The following EYA3 variants were observed in gnomAD, a reference collection of about 807,000 sequenced individuals.
EYA3 encodes the protein protein phosphatase EYA3.
In EYA3, 39 loss-of-function variants were observed where a neutral mutation model predicts 80.0. The observed-to-expected ratio is 0.49, with a 90% CI of 0.38 to 0.64. EYA3 has a LOEUF of 0.64. EYA3 is among the 30% of genes least tolerant of loss of function. The probability of loss-of-function intolerance (pLI) is 0.00; values close to 1 mark genes in which losing one functional copy is unlikely to be tolerated. For missense variants in EYA3, 523 were observed against 676.1 expected (o/e 0.77, Z 2.51); for synonymous variants, 206 against 232.8 (o/e 0.88, Z 1.05).
chr1:28,043,862 AAC>A (rs1643906226), intron 3 of EYA3, among the ~76,000 whole-genome samples: 2 of 152,136 alleles, frequency 1.3e-5, no homozygotes, highest in South Asian at 4.1e-4. Flanking sequence ...CAAACAAACA[AAC>A]AAACAAAAAT....
rs1638751144 is a variant in EYA3, at chr1:27,971,962, T to C, written c.*2504A>G. ...GCTCTGCTCAGCCTCCTTACCTCTC[T>C]TGGCCAAGTTCAAGTTCCTTTTGGA... On this transcript the variant is annotated 3_prime_UTR_variant, in exon 18 of 18. Coordinates refer to ENST00000373871, the MANE Select transcript of EYA3 (RefSeq NM_001990.4). 1 of 152,222 alleles carries C rather than the reference T, an allele frequency of 6.6e-6. No individual in the cohort carries two copies. The allele number at this position is 152,222 out of a possible 1,614,324, so 9.4% of individuals were successfully genotyped here.
intron 13 of EYA3, 85 bp from the exon 14 acceptor site, chr1:27,993,645 C>T (rs1339251906): frequency 8.2e-7 from 1 of 1,221,790 alleles, no homozygotes; most frequent in Admixed American, 3.1e-5. Context: ...TTCTTGGTAT[C>T]TGATAAATAA....
intron 1 of EYA3, among the ~76,000 whole-genome samples, chr1:28,083,869 C>G (rs1645519192): frequency 6.6e-6 from 1 of 151,942 alleles, no homozygotes; most frequent in South Asian, 2.1e-4. Context: ...ACATAAATAG[C>G]CTAAATATGT....
intron 16 of EYA3, among the ~76,000 whole-genome samples, chr1:27,984,396 T>C (rs980020422): frequency 2.6e-5 from 4 of 152,060 alleles, no homozygotes; most frequent in Admixed American, 2.0e-4. Context: ...TTTTTTTTGC[T>C]TTTTATACTA....
chr1:27,993,381 G>A lies in EYA3; in HGVS notation c.1303+19C>T, dbSNP rs1473802130. 8.1e-6 allele frequency: 13 copies of A among 1,610,252 alleles called. No homozygotes were observed. Among genetic ancestry groups the A allele is most frequent in the Non-Finnish European group, 1.1e-5 (13 of 1,178,574 alleles). ...CCAGGAAGAAACAGAGAATCAGACT[G>A]GTTATATGCCACACTTACCACCCAC... On this transcript the variant is annotated intron_variant, in intron 14 of 17. Transcript: ENST00000373871.
chr1:27,997,196 C>T, intron 13 of EYA3, 124 bp downstream of exon 13: 6 of 847,430 alleles, frequency 7.1e-6, no homozygotes, highest in Admixed American at 2.0e-5. Flanking sequence ...TTTCTATGTC[C>T]TCTAACAGGT....
At chr1:28,038,329 G>C (rs779268562) in intron 5 of EYA3, among the ~76,000 whole-genome samples, 2 of 151,644 alleles carry the variant, frequency 1.3e-5, no homozygotes, top group African/African-American at 4.9e-5. Context: ...CCAGCTATCC[G>C]GGAGGCTGAG....
intron 10 of EYA3, 69 bp from the exon 11 acceptor site, chr1:28,004,488 A>G (rs186722029): frequency 2.6e-6 from 3 of 1,135,226 alleles, no homozygotes; most frequent in South Asian, 2.7e-5. Flanking sequence ...GAAATCAATA[A>G]CAGAAAGAGA....
At chr1:27,990,129 G>A (rs997388571) in intron 14 of EYA3, 1 of 158,930 alleles carries the variant, frequency 6.3e-6, no homozygotes, top group African/African-American at 2.4e-5. Context: ...TTTATCTTCT[G>A]AGAAATTGCT....
At chr1:28,039,511 T>C (rs181634153) in intron 4 of EYA3, among the ~76,000 whole-genome samples, 1 of 152,356 alleles carries the variant, frequency 6.6e-6, no homozygotes, top group African/African-American at 2.4e-5. Flanking sequence ...GATACTCTGA[T>C]GAACTCTCAA....
In EYA3 at chr1:28,080,626, T is replaced by A. The variant is rs532949398; in HGVS notation, c.-69+7898A>T. ...AATGTAAAATGTATTTTATAGTGGG[T>A]CATGATCAGAAAAGTTTAAAAGCCA... On this transcript the variant is annotated intron_variant, in intron 1 of 17. Transcript: ENST00000373871. Among the ~76,000 whole-genome samples, 7 of 150,278 alleles carry A rather than the reference T, an allele frequency of 4.7e-5. No homozygotes were observed. The East Asian group carries it at 1.4e-3, about 29-fold the overall frequency.
rs147951292 is a variant in EYA3, at chr1:28,027,798, G to A, written c.490C>T (p.Pro164Ser). The A allele has an allele frequency of 2.5e-5, 40 of 1,614,134 alleles. No individual in the cohort carries two copies. The African/African-American group carries it at 4.9e-4, about 20-fold the overall frequency. ...SQPSPAHYSY[P>S]IQASSTNASL... Reference sequence around the variant, plus strand: ...AACCATGCCTATTTACCTTGAATGGGATAAGAATAATGTGCTGGGCTTGGC... The same window carrying A: ...AACCATGCCTATTTACCTTGAATGGAATAAGAATAATGTGCTGGGCTTGGC... Residue 164 changes from proline (P) to serine (S), a missense_variant, in exon 7 of 18, where the codon CCC becomes TCC. Transcript: ENST00000373871.
chr1:27,998,435 G>A, intron 12 of EYA3: 1 of 394,178 alleles, frequency 2.5e-6, no homozygotes, highest in Non-Finnish European at 3.5e-6. Context: ...TAAAAACTAT[G>A]ATGTCCTAAT....
At chr1:28,049,488 T>A (rs1644159140) in intron 2 of EYA3, among the ~76,000 whole-genome samples, 2 of 152,128 alleles carry the variant, frequency 1.3e-5, no homozygotes, top group South Asian at 2.1e-4. Flanking sequence ...AACCTTGAGG[T>A]GGGCAAATCC....
At chr1:28,073,103 T>TTCTCTC (rs1447435853) in intron 1 of EYA3, among the ~76,000 whole-genome samples, 1 of 37,762 alleles carries the variant, frequency 2.6e-5, no homozygotes, top group Non-Finnish European at 4.3e-5. Flanking sequence ...GATGAAACTA[T>TTCTCTC]TATATATATA....
At chr1:27,990,036 G>C (rs1171055452) in intron 14 of EYA3, 1 of 214,566 alleles carries the variant, frequency 4.7e-6, no homozygotes, top group African/African-American at 2.3e-5. Context: ...TATAGGGGTG[G>C]GGTCAAAAGG....
At chr1:28,076,827 G>A (rs1289430995) in intron 1 of EYA3, among the ~76,000 whole-genome samples, 1 of 136,756 alleles carries the variant, frequency 7.3e-6, no homozygotes, top group Non-Finnish European at 1.5e-5. Context: ...CTCAACCTCC[G>A]CCTCCAGGGT....
intron 17 of EYA3, among the ~76,000 whole-genome samples, chr1:27,977,855 G>GAAA (rs1334469197): frequency 3.2e-4 from 21 of 65,632 alleles, no homozygotes; most frequent in African/African-American, 3.5e-4. Context: ...CTCAAAAACA[G>GAAA]AAAAAAAAAG....
intron 1 of EYA3, among the ~76,000 whole-genome samples, chr1:28,062,659 T>C (rs12750305): frequency 3.0e-5 from 4 of 132,170 alleles, no homozygotes; most frequent in African/African-American, 9.0e-5. Flanking sequence ...TATATGTAGG[T>C]GTGTGTGTGT....
Sources: gnomAD v4.1 joint callset for allele counts (sites outside exome capture counted in the v4.1 genomes callset) on GRCh38, gnomAD v4.1.1 for gene constraint, MANE v1.5 for transcripts, NCBI Gene and HGNC (gene_info 2026-07-23, HGNC 2026-07-21) for gene names.